Variants in PTPRG observed in about 807,000 individuals in gnomAD.
PTPRG encodes the protein receptor-type tyrosine-protein phosphatase gamma.
Under a neutral mutation model 165.3 loss-of-function variants are expected in PTPRG, and 102 were observed. The observed-to-expected ratio is 0.62, with a 90% confidence interval of 0.53 to 0.73. PTPRG has a LOEUF of 0.73. Ranked by LOEUF, PTPRG falls within the 30% of genes least tolerant of loss-of-function variation. PTPRG has a pLI of 0.00. For missense variants in PTPRG, 1,866 were observed against 1,861.4 expected (o/e 1.00, Z -0.05); for synonymous variants, 675 against 669.5 (o/e 1.01, Z -0.13).
At chr3:61,637,706 A>G (rs1701952064) in intron 1 of PTPRG, among the ~76,000 whole-genome samples, 1 of 152,110 alleles carries the variant, frequency 6.6e-6, no homozygotes, top group African/African-American at 2.4e-5. Flanking sequence ...CTCTGTCCTC[A>G]CCAGTGTTGC....
In PTPRG at chr3:62,263,244, T is replaced by C. The variant is rs72878151; in HGVS notation, c.2656+350T>C. ...TTTAACCTGTAAGGGCCAAATCTTTTAATACAAATGAAAATATTGGGAATT... is the reference window on the plus strand; with the variant it reads ...TTTAACCTGTAAGGGCCAAATCTTTCAATACAAATGAAAATATTGGGAATT... On this transcript the variant is annotated intron_variant, in intron 17 of 29. Coordinates refer to ENST00000474889, the MANE Select transcript of PTPRG (RefSeq NM_002841.4). The C allele has an allele frequency of 4.7e-3, 912 of 194,706 alleles. 10 individuals are homozygous for C. The highest frequency in any genetic ancestry group is 0.02 in the African/African-American group (848 of 42,466). The allele number at this position is 194,706 out of a possible 1,614,324, so 12.1% of individuals were successfully genotyped here.
intron 1 of PTPRG, among the ~76,000 whole-genome samples, chr3:61,592,641 C>CTTT (rs773860673): frequency 0.058 from 7,885 of 136,742 alleles, 297 homozygotes; most frequent in African/African-American, 0.079. Context: ...TTCTTTCTTT[C>CTTT]TTTCTTTCTT....
At position 61,731,462 on chromosome 3, in the gene PTPRG, C is replaced by T. The variant is rs145836356; in HGVS notation, c.86-17416C>T. The stretch of plus-strand genomic sequence containing the variant: ...CTCCCGGGTTCAAGCCATTCCCCTG[C>T]CTCAGCCTCCCGAGTAGCTGGGACT... On this transcript the variant is annotated intron_variant, in intron 1 of 29. Transcript: ENST00000474889. Among the ~76,000 whole-genome samples, 1,080 of 151,864 alleles carry T rather than the reference C, an allele frequency of 7.1e-3. 20 individuals are homozygous for T. Among genetic ancestry groups the T allele is most frequent in the African/African-American group, 0.024 (1,003 of 41,388 alleles).
At chr3:62,067,523 A>G (rs986885427) in intron 4 of PTPRG, among the ~76,000 whole-genome samples, 4 of 152,056 alleles carry the variant, frequency 2.6e-5, no homozygotes, top group African/African-American at 7.2e-5. Context: ...TTATTATTAC[A>G]TTGTAATATA....
intron 5 of PTPRG, among the ~76,000 whole-genome samples, chr3:62,083,470 T>C (rs1338023605): frequency 6.6e-6 from 1 of 152,224 alleles, no homozygotes; most frequent in African/African-American, 2.4e-5. Flanking sequence ...TTCAAAATAT[T>C]GTGTGATTCT....
At chr3:61,602,914 C>T (rs1700908229) in intron 1 of PTPRG, among the ~76,000 whole-genome samples, 1 of 152,194 alleles carries the variant, frequency 6.6e-6, no homozygotes, top group Non-Finnish European at 1.5e-5. Flanking sequence ...ATCTCAAGCT[C>T]AACACTTCCT....
At chr3:61,828,844 G>C (rs1332722571) in intron 2 of PTPRG, among the ~76,000 whole-genome samples, 3 of 152,166 alleles carry the variant, frequency 2.0e-5, no homozygotes, top group Non-Finnish European at 4.4e-5. Context: ...ATGTCCCTGA[G>C]GGATCTGTTT....
intron 2 of PTPRG, among the ~76,000 whole-genome samples, chr3:61,957,737 AG>A (rs1158662137): frequency 6.6e-6 from 1 of 152,214 alleles, no homozygotes; most frequent in Non-Finnish European, 1.5e-5. Context: ...TGTGTCTTAC[AG>A]GCAATTTGTG....
intron 4 of PTPRG, among the ~76,000 whole-genome samples, chr3:62,052,020 C>T (rs1026352928): frequency 3.2e-4 from 48 of 152,244 alleles, no homozygotes; most frequent in African/African-American, 1.2e-3. Flanking sequence ...CACCCATCTT[C>T]TGAGTAAAAA....
intron 1 of PTPRG, among the ~76,000 whole-genome samples, chr3:61,667,332 G>A (rs1193865461): frequency 6.6e-6 from 1 of 152,158 alleles, no homozygotes; most frequent in Non-Finnish European, 1.5e-5. Flanking sequence ...CATAGGGATG[G>A]AGAGAAAACT....
chr3:61,615,580 A>T (rs1227589404), intron 1 of PTPRG, among the ~76,000 whole-genome samples: 1 of 152,142 alleles, frequency 6.6e-6, no homozygotes, highest in African/African-American at 2.4e-5. Flanking sequence ...TTCCCTTTGT[A>T]ATAAGTGTGT....
intron 2 of PTPRG, among the ~76,000 whole-genome samples, chr3:61,763,257 A>T (rs2033911663): frequency 6.7e-6 from 1 of 150,200 alleles, no homozygotes; most frequent in Non-Finnish European, 1.5e-5. Context: ...TTTTTTTTTG[A>T]GACGGAGTCT....
chr3:61,995,371 T>C (rs1000607172), intron 3 of PTPRG, among the ~76,000 whole-genome samples: 1 of 152,126 alleles, frequency 6.6e-6, no homozygotes, highest in African/African-American at 2.4e-5. Context: ...ATTACAGGCA[T>C]GAGCCACTGC....
intron 2 of PTPRG, among the ~76,000 whole-genome samples, chr3:61,953,823 A>C (rs2107629296): frequency 6.6e-6 from 1 of 152,294 alleles, no homozygotes; most frequent in East Asian, 1.9e-4. Flanking sequence ...TTCTACTCTA[A>C]AGCACAAATG....
intron 20 of PTPRG, among the ~76,000 whole-genome samples, chr3:62,270,956 A>G (rs574342319): frequency 1.3e-5 from 2 of 152,312 alleles, no homozygotes; most frequent in Admixed American, 1.3e-4. Context: ...AGCAGCAACA[A>G]GCACTCTGGC....
At chr3:62,268,504 CAAACAA>C (rs1284408793) in intron 19 of PTPRG, among the ~76,000 whole-genome samples, 2 of 151,404 alleles carry the variant, frequency 1.3e-5, no homozygotes, top group East Asian at 1.9e-4. Context: ...AAATTAAAAA[CAAACAA>C]AAATAAAAAT....
At chr3:61,566,286 G>A (rs1034722400) in intron 1 of PTPRG, among the ~76,000 whole-genome samples, 34 of 152,222 alleles carry the variant, frequency 2.2e-4, no homozygotes, top group Non-Finnish European at 5.9e-5. Flanking sequence ...TACATGAAGC[G>A]ATCCAGCGAA....
At chr3:62,152,216 T>C (rs1295299657) in intron 6 of PTPRG, among the ~76,000 whole-genome samples, 1 of 151,886 alleles carries the variant, frequency 6.6e-6, no homozygotes, top group Non-Finnish European at 1.5e-5. Flanking sequence ...TTTTTTTTTT[T>C]TTTTAATTAG....
chr3:61,655,118 G>A (rs769264722), intron 1 of PTPRG, among the ~76,000 whole-genome samples: 2 of 152,080 alleles, frequency 1.3e-5, no homozygotes, highest in Non-Finnish European at 2.9e-5. Context: ...TGAGGTGTGC[G>A]GCAGGAGTCC....
Sources: allele counts gnomAD v4.1 joint callset (sites outside exome capture counted in the v4.1 genomes callset), GRCh38; gene constraint gnomAD v4.1.1; transcripts MANE v1.5; gene names NCBI Gene and HGNC (gene_info 2026-07-23, HGNC 2026-07-21).